The following ZNF521 variants were observed in gnomAD, a reference collection of about 807,000 sequenced individuals.
The protein encoded by ZNF521 is LYST-interacting protein 3.
A neutral mutation model predicts 105.5 loss-of-function variants in ZNF521; 14 were observed. The observed-to-expected ratio is 0.13, with a 90% confidence interval of 0.09 to 0.21. ZNF521 has a LOEUF of 0.21. Ranked by LOEUF, ZNF521 falls within the 10% of genes least tolerant of loss-of-function variation. The probability of loss-of-function intolerance (pLI) is 1.00; values close to 1 mark genes in which losing one functional copy is unlikely to be tolerated. For synonymous variants in ZNF521, 635 were observed against 606.0 expected (o/e 1.05, Z -0.70); for missense variants, 1,233 against 1,629.7 (o/e 0.76, Z 4.19).
chr18:25,219,650 T>C (rs1905563830), intron 4 of ZNF521, among the ~76,000 whole-genome samples: 1 of 151,958 alleles, frequency 6.6e-6, no homozygotes, highest in African/African-American at 2.4e-5. Context: ...AGCTCGTCTC[T>C]ACCAAAAATA....
At chr18:25,077,921 T>C in intron 7 of ZNF521, among the ~76,000 whole-genome samples, 1 of 152,122 alleles carries the variant, frequency 6.6e-6, no homozygotes, top group South Asian at 2.1e-4. Context: ...AGTGATGTAG[T>C]GTGTGACTCA....
At chr18:25,065,232 C>G (rs1305897799) in intron 7 of ZNF521, among the ~76,000 whole-genome samples, 2 of 152,098 alleles carry the variant, frequency 1.3e-5, no homozygotes, top group Non-Finnish European at 2.9e-5. Flanking sequence ...TACGATAATA[C>G]AGATCGAGCA....
intron 7 of ZNF521, among the ~76,000 whole-genome samples, chr18:25,072,605 C>T (rs1260633890): frequency 1.3e-5 from 2 of 152,194 alleles, no homozygotes; most frequent in African/African-American, 2.4e-5. Flanking sequence ...GTAAAGAGTA[C>T]GATGTTTATT....
chr18:25,164,475 T>A (rs567149422), intron 5 of ZNF521, among the ~76,000 whole-genome samples: 2 of 152,362 alleles, frequency 1.3e-5, no homozygotes, highest in East Asian at 3.9e-4. Flanking sequence ...TTATCATGCA[T>A]TTTGACCACA....
At chr18:25,217,603 A>C (rs1207565853) in intron 4 of ZNF521, among the ~76,000 whole-genome samples, 1 of 152,220 alleles carries the variant, frequency 6.6e-6, no homozygotes, top group Non-Finnish European at 1.5e-5. Context: ...TCCTGCAAAA[A>C]TAAGAAGATA....
At chr18:25,066,837 T>G (rs1215894744) in intron 7 of ZNF521, among the ~76,000 whole-genome samples, 3 of 152,152 alleles carry the variant, frequency 2.0e-5, no homozygotes, top group Non-Finnish European at 4.4e-5. Context: ...GCTCTTTAGG[T>G]CCAGAGGAAA....
chr18:25,216,029 A>T (rs145158255), intron 4 of ZNF521, among the ~76,000 whole-genome samples: 1 of 152,244 alleles, frequency 6.6e-6, no homozygotes, highest in African/African-American at 2.4e-5. Flanking sequence ...CTGTCTCTTT[A>T]GAGGGAGTTT....
In ZNF521 at chr18:25,224,771, C is replaced by A. The variant is rs757356478; in HGVS notation, c.3147G>T (p.Gly1049=). ...CCCGCCCTGTGGTCTGAACTGCAGA[C>A]CCATTCCCTGTCTTTTGCATGTGGA... The part of the protein sequence containing the change: ...GTFHMQKTGN[G]SAVQTTGRGQ... Residue 1049 remains glycine (G), a synonymous_variant, in exon 4 of 8, where the codon GGG becomes GGT. Coordinates refer to ENST00000361524, the MANE Select transcript of ZNF521 (RefSeq NM_015461.3). The A allele has an allele frequency of 6.2e-7, 1 of 1,613,994 alleles. No individual in the cohort carries two copies. The highest frequency in any genetic ancestry group is 8.5e-7 in the Non-Finnish European group (1 of 1,180,010).
At chr18:25,069,421 A>T (rs2033159246) in intron 7 of ZNF521, among the ~76,000 whole-genome samples, 1 of 152,194 alleles carries the variant, frequency 6.6e-6, no homozygotes, top group Middle Eastern at 3.2e-3. Flanking sequence ...AAGTACTCAT[A>T]ATTTTCAACT....
intron 4 of ZNF521, among the ~76,000 whole-genome samples, chr18:25,217,850 G>A (rs1905430509): frequency 6.6e-6 from 1 of 152,194 alleles, no homozygotes; most frequent in Admixed American, 6.5e-5. Flanking sequence ...GAGGGGATAG[G>A]GAGATGCTTG....
chr18:25,094,460 A>C (rs1265734633), intron 5 of ZNF521, among the ~76,000 whole-genome samples: 1 of 152,162 alleles, frequency 6.6e-6, no homozygotes, highest in Non-Finnish European at 1.5e-5. Context: ...ATGCATTATT[A>C]GGGAAGACTT....
In ZNF521 at chr18:25,335,751, T is replaced by C. The variant is rs1913839415; in HGVS notation, c.41-13564A>G. On this transcript the variant is annotated intron_variant, in intron 2 of 7. Coordinates refer to ENST00000361524, the MANE Select transcript of ZNF521 (RefSeq NM_015461.3). ...ATTAAGGTTTTAGACTTTGTCGGTATAGAAAGACAACTTTATGACAGTTTA... is the reference window on the plus strand; with the variant it reads ...ATTAAGGTTTTAGACTTTGTCGGTACAGAAAGACAACTTTATGACAGTTTA... Among the ~76,000 whole-genome samples the C allele has an allele frequency of 2.0e-5, 3 of 152,204 alleles. No individual in the cohort carries two copies. The East Asian group carries it at 5.8e-4, about 29-fold the overall frequency.
chr18:25,155,522 T>C (rs1408289241), intron 5 of ZNF521, among the ~76,000 whole-genome samples: 1 of 152,168 alleles, frequency 6.6e-6, no homozygotes, highest in African/African-American at 2.4e-5. Context: ...TTCTCTCCAA[T>C]GTTTTCTTCT....
At chr18:25,266,708 G>A (rs1251457656) in intron 3 of ZNF521, among the ~76,000 whole-genome samples, 1 of 152,104 alleles carries the variant, frequency 6.6e-6, no homozygotes, top group Non-Finnish European at 1.5e-5. Flanking sequence ...GAGGAATGGT[G>A]CACTCCGGCC....
chr18:25,241,028 A>G (rs1907291941), intron 3 of ZNF521, among the ~76,000 whole-genome samples: 1 of 151,886 alleles, frequency 6.6e-6, no homozygotes, highest in Non-Finnish European at 1.5e-5. Flanking sequence ...GTAAAAGTGC[A>G]ATATGTAAAC....
intron 4 of ZNF521, among the ~76,000 whole-genome samples, chr18:25,210,099 G>A (rs1249945050): frequency 6.6e-6 from 1 of 152,012 alleles, no homozygotes; most frequent in African/African-American, 2.4e-5. Context: ...CATAATAGGG[G>A]TATGTGTAGA....
chr18:25,112,912 C>T (rs1385230117), intron 5 of ZNF521, among the ~76,000 whole-genome samples: 1 of 152,062 alleles, frequency 6.6e-6, no homozygotes, highest in Non-Finnish European at 1.5e-5. Context: ...ATGTGCTGCC[C>T]TTGCCTGGTC....
chr18:25,179,279 G>C (rs1476334277), intron 5 of ZNF521, among the ~76,000 whole-genome samples: 1 of 150,958 alleles, frequency 6.6e-6, no homozygotes, highest in African/African-American at 2.4e-5. Context: ...TCAGCCTCCA[G>C]AGTAGCTAGG....
At chr18:25,322,216 G>A in intron 2 of ZNF521, 29 bp from the exon 3 acceptor site, 2 of 1,605,798 alleles carry the variant, frequency 1.2e-6, no homozygotes, top group Non-Finnish European at 1.7e-6. Flanking sequence ...GTAAGTATGG[G>A]GTTTAAAGAC....
Sources: allele counts gnomAD v4.1 joint callset (sites outside exome capture counted in the v4.1 genomes callset), GRCh38; gene constraint gnomAD v4.1.1; transcripts MANE v1.5; gene names NCBI Gene and HGNC (gene_info 2026-07-23, HGNC 2026-07-21).